Variants in CSGALNACT1 observed in about 807,000 individuals in gnomAD.
CSGALNACT1 encodes the protein beta4GalNAcT-1.
CSGALNACT1 carries 52 observed loss-of-function variants against 51.0 expected under a neutral mutation model. The observed-to-expected ratio is 1.02, with a 90% CI of 0.82 to 1.29. The LOEUF (loss-of-function observed/expected upper bound fraction) is 1.29, where lower values mean the gene tolerates loss of function less well. Among genes scored for constraint, CSGALNACT1 ranks in the 50% most tolerant of loss-of-function variants. CSGALNACT1 has a pLI of 0.00. For synonymous variants in CSGALNACT1, 341 were observed against 254.4 expected (o/e 1.34, Z -3.24); for missense variants, 935 against 679.2 (o/e 1.38, Z -4.19).
intron 4 of CSGALNACT1, among the ~76,000 whole-genome samples, chr8:19,489,896 A>G (rs772609848): frequency 1.3e-5 from 2 of 152,172 alleles, no homozygotes; most frequent in Non-Finnish European, 2.9e-5. Flanking sequence ...GTTTACACAC[A>G]TTTTCTAGCC....
At chr8:19,424,344 G>T (rs575203644) in intron 6 of CSGALNACT1, among the ~76,000 whole-genome samples, 1 of 152,208 alleles carries the variant, frequency 6.6e-6, no homozygotes, top group East Asian at 1.9e-4. Context: ...ATGAATAATG[G>T]TACAATTTTC....
At chr8:19,612,696 A>T (rs573242483) in intron 1 of CSGALNACT1, among the ~76,000 whole-genome samples, 34 of 152,140 alleles carry the variant, frequency 2.2e-4, no homozygotes, top group African/African-American at 8.2e-4. Context: ...ATCTGAGATG[A>T]TCCAAAGTCC....
chr8:19,436,621 G>A (rs1375736233), intron 6 of CSGALNACT1, among the ~76,000 whole-genome samples: 1 of 152,124 alleles, frequency 6.6e-6, no homozygotes, highest in Non-Finnish European at 1.5e-5. Flanking sequence ...AGATTACTAT[G>A]GGAGGCTGGG....
chr8:19,493,415 T>C (rs775316104), intron 4 of CSGALNACT1, among the ~76,000 whole-genome samples: 4 of 152,074 alleles, frequency 2.6e-5, no homozygotes, highest in Non-Finnish European at 5.9e-5. Context: ...TGTGCAACCA[T>C]CACCACAATC....
At chr8:19,611,844 C>G (rs2052313601) in intron 1 of CSGALNACT1, among the ~76,000 whole-genome samples, 1 of 152,022 alleles carries the variant, frequency 6.6e-6, no homozygotes, top group Non-Finnish European at 1.5e-5. Context: ...AAAAATATGA[C>G]CGGAAATCAG....
intron 3 of CSGALNACT1, among the ~76,000 whole-genome samples, chr8:19,546,133 T>C (rs920337300): frequency 4.6e-5 from 7 of 152,110 alleles, no homozygotes; most frequent in Admixed American, 1.3e-4. Context: ...GTCAATTCAA[T>C]AGCACAAATA....
At chr8:19,463,290 A>C (rs1041265573) in intron 4 of CSGALNACT1, among the ~76,000 whole-genome samples, 2 of 152,082 alleles carry the variant, frequency 1.3e-5, no homozygotes, top group Non-Finnish European at 2.9e-5. Flanking sequence ...CTCTTTTAAA[A>C]ACGTTATTTA....
chr8:19,732,320 A>C (rs146188424), intron 1 of CSGALNACT1: 90 of 152,316 alleles, frequency 5.9e-4, no homozygotes, highest in African/African-American at 1.7e-3. Context: ...TTCTACAATA[A>C]AATACATCCA....
At chr8:19,459,340 A>C (rs1459511793) in intron 4 of CSGALNACT1, among the ~76,000 whole-genome samples, 1 of 145,258 alleles carries the variant, frequency 6.9e-6, no homozygotes, top group African/African-American at 2.6e-5. Flanking sequence ...CCAAGTTTGT[A>C]CCACTTCACT....
intron 1 of CSGALNACT1, among the ~76,000 whole-genome samples, chr8:19,755,923 C>G (rs2065344356): frequency 6.6e-6 from 1 of 152,144 alleles, no homozygotes; most frequent in Non-Finnish European, 1.5e-5. Context: ...GGGTATGGCC[C>G]GTCTCTTGCT....
intron 3 of CSGALNACT1, among the ~76,000 whole-genome samples, chr8:19,519,904 T>C (rs1318490800): frequency 6.6e-6 from 1 of 152,102 alleles, no homozygotes; most frequent in Non-Finnish European, 1.5e-5. Context: ...GGCCTCCTCA[T>C]TCCCCACCAG....
chr8:19,553,639 A>ATATATATATATATATATATAT (rs869251447), intron 3 of CSGALNACT1, among the ~76,000 whole-genome samples: 8 of 126,590 alleles, frequency 6.3e-5, no homozygotes, highest in African/African-American at 2.2e-4. Context: ...ATATATATAT[A>ATATATATATATATATATATAT]AAAAAATATG....
chr8:19,483,784 CG>C (rs1554613049), intron 4 of CSGALNACT1, among the ~76,000 whole-genome samples: 1 of 152,196 alleles, frequency 6.6e-6, no homozygotes, highest in Non-Finnish European at 1.5e-5. Context: ...CCATGTCTGA[CG>C]GCAAATAATA....
At chr8:19,696,633 C>T (rs1177470024) in intron 1 of CSGALNACT1, among the ~76,000 whole-genome samples, 1 of 152,112 alleles carries the variant, frequency 6.6e-6, no homozygotes, top group Non-Finnish European at 1.5e-5. Flanking sequence ...TGTGTGACTC[C>T]GAGCAAGACA....
At chr8:19,576,611 C>G (rs1262467636) in intron 3 of CSGALNACT1, among the ~76,000 whole-genome samples, 1 of 152,018 alleles carries the variant, frequency 6.6e-6, no homozygotes, top group East Asian at 1.9e-4. Flanking sequence ...GCAGGGACCT[C>G]AGTCCCCTCC....
chr8:19,678,255 A>G (rs2060341521), intron 1 of CSGALNACT1, among the ~76,000 whole-genome samples: 1 of 152,220 alleles, frequency 6.6e-6, no homozygotes, highest in African/African-American at 2.4e-5. Context: ...AAGGCCTAAC[A>G]AGAAGTATCC....
chr8:19,700,494 T>C (rs1197643964), intron 1 of CSGALNACT1, among the ~76,000 whole-genome samples: 1 of 152,116 alleles, frequency 6.6e-6, no homozygotes, highest in Non-Finnish European at 1.5e-5. Context: ...TGGGTGAAAA[T>C]ATGATAGAAA....
intron 3 of CSGALNACT1, among the ~76,000 whole-genome samples, chr8:19,558,380 T>C (rs1304132121): frequency 6.6e-6 from 1 of 152,198 alleles, no homozygotes; most frequent in African/African-American, 2.4e-5. Context: ...CTTGGCTCTT[T>C]GCCCTTCTTA....
chr8:19,505,655 G>A lies in CSGALNACT1; in HGVS notation c.180C>T (p.Val60=). Residue 60 remains valine, a synonymous_variant, in exon 4 of 10, where the codon GTC becomes GTT. Transcript: ENST00000454498. ...GGTGCTGCTCCTCCCACTCCTGAAGGACGGCCTGGTACCCCTCCTTCCCCG... is the reference window on the plus strand; with the variant it reads ...GGTGCTGCTCCTCCCACTCCTGAAGAACGGCCTGGTACCCCTCCTTCCCCG... 2.5e-6 allele frequency: 4 copies of A among 1,614,162 alleles called. No homozygotes were observed. The highest frequency in any genetic ancestry group is 1.7e-5 in the Admixed American group (1 of 60,026).
Sources: allele counts gnomAD v4.1 joint callset (sites outside exome capture counted in the v4.1 genomes callset), GRCh38; gene constraint gnomAD v4.1.1; transcripts MANE v1.5; gene names NCBI Gene and HGNC (gene_info 2026-07-23, HGNC 2026-07-21).